SLC1A4: variants seen among roughly 807,000 people sequenced by gnomAD.
SLC1A4 encodes the protein solute carrier family 1 member 4.
In SLC1A4, 19 loss-of-function variants were observed where a neutral mutation model predicts 37.7. The observed-to-expected ratio is 0.50, with a 90% CI of 0.35 to 0.74. The LOEUF (loss-of-function observed/expected upper bound fraction) is 0.74, where lower values mean the gene tolerates loss of function less well. Among genes scored for constraint, SLC1A4 ranks in the 30% least tolerant of loss-of-function variants. SLC1A4 has a pLI of 0.01. For missense variants in SLC1A4, 570 were observed against 712.9 expected (o/e 0.80, Z 2.28); for synonymous variants, 299 against 309.8 (o/e 0.97, Z 0.37).
intron 1 of SLC1A4, among the ~76,000 whole-genome samples, chr2:64,997,110 T>G (rs1024966841): frequency 6.6e-6 from 1 of 152,026 alleles, no homozygotes; most frequent in Non-Finnish European, 1.5e-5. Flanking sequence ...CTCCTGCTCT[T>G]GGTCTGTGGC....
chr2:65,009,186 C>A (rs914079531), intron 3 of SLC1A4, among the ~76,000 whole-genome samples: 1 of 152,056 alleles, frequency 6.6e-6, no homozygotes, highest in South Asian at 2.1e-4. Context: ...ATGGAGAAAC[C>A]CACATGGAGA....
At chr2:65,007,241 A>C (rs1402112715) in intron 3 of SLC1A4, among the ~76,000 whole-genome samples, 1 of 150,674 alleles carries the variant, frequency 6.6e-6, no homozygotes, top group Non-Finnish European at 1.5e-5. Flanking sequence ...AGAACATTAA[A>C]GCAGGGCAAA....
rs1216027158 is a variant in SLC1A4 at position 65,017,101 on chromosome 2, C to T, written c.1034+428C>T. ...ATCATTAGTTAGCCCAGCTGCGGGTCCCTCACCCTAATTAGGAAGACCTTT... is the reference window on the plus strand; with the variant it reads ...ATCATTAGTTAGCCCAGCTGCGGGTTCCTCACCCTAATTAGGAAGACCTTT... On this transcript the variant is annotated intron_variant, in intron 5 of 7. Transcript: ENST00000234256. Among the ~76,000 whole-genome samples, 17 of 152,316 alleles carry T rather than the reference C, an allele frequency of 1.1e-4. No individual in the cohort carries two copies. The East Asian group carries it at 3.3e-3, about 29-fold the overall frequency.
chr2:65,015,489 G>T (rs150394585), intron 4 of SLC1A4, among the ~76,000 whole-genome samples: 7 of 152,284 alleles, frequency 4.6e-5, no homozygotes, highest in African/African-American at 1.7e-4. Flanking sequence ...TATTTGAGGA[G>T]GATCCTGGCT....
intron 4 of SLC1A4, among the ~76,000 whole-genome samples, chr2:65,015,588 TAATTAA>T (rs1674092304): frequency 1.3e-5 from 2 of 152,200 alleles, no homozygotes; most frequent in Admixed American, 1.3e-4. Context: ...ATCGGGTTTT[TAATTAA>T]TAATTACTGC....
chr2:64,995,906 G>A (rs868100106), intron 1 of SLC1A4, among the ~76,000 whole-genome samples: 2 of 152,178 alleles, frequency 1.3e-5, no homozygotes, highest in South Asian at 4.1e-4. Context: ...GTTACAGAAC[G>A]TTTTTGAAGT....
Position 65,018,220 on chromosome 2 carries a change from A to G in SLC1A4, c.1184A>G (p.Gln395Arg). 1.9e-6 allele frequency: 3 copies of G among 1,614,128 alleles called. No individual in the cohort carries two copies. The highest frequency in any genetic ancestry group is 2.5e-6 in the Non-Finnish European group (3 of 1,180,020). Reference sequence around the variant, plus strand: ...TGTGTGGCCGCGGTGTTCATTGCGCAACTCAACAACGTAGAGCTCAACGCA... The same window carrying G: ...TGTGTGGCCGCGGTGTTCATTGCGCGACTCAACAACGTAGAGCTCAACGCA... ...FQCVAAVFIA[Q>R]LNNVELNAGQ... is the part of the protein sequence containing the mutation. The change falls in exon 6 of 8, where the codon CAA becomes CGA. Residue 395 changes from glutamine to arginine, a missense_variant. Transcript: ENST00000234256. This position sits in a 1 kb window ranked among gnomAD's most constrained non-coding sequence, Gnocchi z 4.3.
At chr2:65,015,708 T>C (rs1463596343) in intron 4 of SLC1A4, among the ~76,000 whole-genome samples, 1 of 152,240 alleles carries the variant, frequency 6.6e-6, no homozygotes, top group East Asian at 1.9e-4. Context: ...CTTCACTCTG[T>C]TCACTCTTTT....
chr2:65,020,317 A>G (rs867809000), intron 7 of SLC1A4, among the ~76,000 whole-genome samples: 1 of 152,348 alleles, frequency 6.6e-6, no homozygotes, highest in Middle Eastern at 3.4e-3. Context: ...TCCAGGCTAG[A>G]GTGCAATGGC....
Position 65,021,086 on chromosome 2 carries a change from G to A in SLC1A4, c.1539G>A (p.Gln513=). 1 of 1,614,230 alleles carries A rather than the reference G, an allele frequency of 6.2e-7. No individual in the cohort carries two copies. Among genetic ancestry groups the A allele is most frequent in the Non-Finnish European group, 8.5e-7 (1 of 1,180,036 alleles). The change falls in exon 8 of 8, where the codon CAG becomes CAA. Residue 513 remains glutamine, a synonymous_variant. Transcript: ENST00000234256. ...AGACATCGCCCCTGGTGACACACCAGAACCCCGCTGGCCCCGTGGCCAGTG... is the reference window on the plus strand; with the variant it reads ...AGACATCGCCCCTGGTGACACACCAAAACCCCGCTGGCCCCGTGGCCAGTG... The part of the protein sequence containing the change: ...EEETSPLVTH[Q]NPAGPVASAP...
At chr2:65,008,169 G>A (rs115571348) in intron 3 of SLC1A4, among the ~76,000 whole-genome samples, 7 of 152,298 alleles carry the variant, frequency 4.6e-5, no homozygotes, top group African/African-American at 7.2e-5. Flanking sequence ...ATCAAAAAGC[G>A]TGAGTTGACA....
rs766230846 is a variant in SLC1A4, at chr2:65,016,586, T to A, written c.947T>A (p.Ile316Asn). Reference sequence around the variant, plus strand: ...CATGGAGGAATTGTTCTGCCACTTATTTATTTTGTTTTCACACGAAAAAAC... The same window carrying A: ...CATGGAGGAATTGTTCTGCCACTTAATTATTTTGTTTTCACACGAAAAAAC... ...VIHGGIVLPL[I>N]YFVFTRKNPF... is the part of the protein sequence containing the mutation. The change falls in exon 5 of 8, where the codon ATT (isoleucine) becomes AAT (asparagine). Residue 316 changes from isoleucine to asparagine, a missense_variant. Coordinates refer to ENST00000234256, the MANE Select transcript of SLC1A4 (RefSeq NM_003038.5). 1 of 1,614,222 alleles carries A rather than the reference T, an allele frequency of 6.2e-7. No homozygotes were observed. The highest frequency in any genetic ancestry group is 8.5e-7 in the Non-Finnish European group (1 of 1,180,028).
chr2:65,011,645 T>TA (rs1673923930), intron 4 of SLC1A4: 1 of 148,336 alleles, frequency 6.7e-6, no homozygotes, highest in African/African-American at 2.6e-5. Context: ...TAACAATTCT[T>TA]AGATTATTTG....
At chr2:64,999,147 C>T (rs745559725) in intron 1 of SLC1A4, among the ~76,000 whole-genome samples, 64 of 152,280 alleles carry the variant, frequency 4.2e-4, no homozygotes, top group Non-Finnish European at 2.2e-4. Flanking sequence ...ATCTATACTC[C>T]GAAAACTAGC....
intron 3 of SLC1A4, among the ~76,000 whole-genome samples, chr2:65,004,252 G>GTTGT (rs1001917364): frequency 9.9e-5 from 15 of 151,926 alleles, no homozygotes; most frequent in African/African-American, 2.2e-4. Context: ...TGATTTATTT[G>GTTGT]TTGTTTGTTT....
At chr2:64,989,354 C>G (rs903567361), upstream of SLC1A4, 5 of 293,772 alleles carry the variant, frequency 1.7e-5, no homozygotes, top group South Asian at 1.3e-4. Context: ...GGCGCGCCCT[C>G]CTACTTCCCC....
intron 1 of SLC1A4, among the ~76,000 whole-genome samples, chr2:64,997,444 T>A (rs1348351369): frequency 6.6e-6 from 1 of 152,218 alleles, no homozygotes; most frequent in Admixed American, 6.5e-5. Context: ...AACTTTTCCA[T>A]CACCTATGAC....
At chr2:65,020,169 G>A (rs979127161) in intron 7 of SLC1A4, among the ~76,000 whole-genome samples, 2 of 152,194 alleles carry the variant, frequency 1.3e-5, no homozygotes, top group African/African-American at 4.8e-5. Context: ...AAGTAGCGTT[G>A]AAATGAGAAA....
rs189567377 is a variant in SLC1A4 at position 64,996,581 on chromosome 2, C to G, written c.528-4867C>G. On this transcript the variant is annotated intron_variant, in intron 1 of 7. Transcript: ENST00000234256. ...TCTGGGCTGTCCAATACAATAGACA[C>G]TAGCCACATGTAGCTATTTAAAATT... Among the ~76,000 whole-genome samples, 509 of 152,308 alleles carry G rather than the reference C, an allele frequency of 3.3e-3. 3 individuals are homozygous for G. The highest frequency in any genetic ancestry group is 0.012 in the African/African-American group (486 of 41,572).
Sources: gnomAD v4.1 joint callset for allele counts (sites outside exome capture counted in the v4.1 genomes callset) on GRCh38, gnomAD v4.1.1 for gene constraint, Gnocchi (gnomAD v3.1) non-coding constraint, MANE v1.5 for transcripts, NCBI Gene and HGNC (gene_info 2026-07-23, HGNC 2026-07-21) for gene names.